The following ORC4 variants were observed in gnomAD, a reference collection of about 807,000 sequenced individuals.
The protein encoded by ORC4 is origin recognition complex subunit 4.
In ORC4, 55 loss-of-function variants were observed where a neutral mutation model predicts 63.9. The ratio of observed to expected loss-of-function variants is 0.86; its 90% CI spans 0.69 to 1.08. The LOEUF is 1.08. ORC4 is among the 50% of genes least tolerant of loss of function. ORC4 has a pLI of 0.00. For synonymous variants in ORC4, 150 were observed against 168.5 expected, an observed-to-expected ratio of 0.89 and a Z score of 0.85; for missense variants, 511 against 504.4, an observed-to-expected ratio of 1.01 and a Z score of -0.13.
At chr2:147,968,432 A>G (rs1294971215) in intron 4 of ORC4, among the ~76,000 whole-genome samples, 7 of 152,098 alleles carry the variant, frequency 4.6e-5, no homozygotes, top group Admixed American at 4.6e-4. Context: ...AAGGAACTCC[A>G]GTATCTCAAA....
chr2:147,948,750 T>C (rs1688790239), intron 8 of ORC4, among the ~76,000 whole-genome samples: 1 of 151,314 alleles, frequency 6.6e-6, no homozygotes, highest in Non-Finnish European at 1.5e-5. Flanking sequence ...AGGAATCAAA[T>C]TTACTGTCAA....
chr2:147,986,026 A>G (rs530805655), intron 1 of ORC4, among the ~76,000 whole-genome samples: 3 of 152,362 alleles, frequency 2.0e-5, no homozygotes, highest in East Asian at 3.9e-4. Flanking sequence ...CACGGTTATT[A>G]TAACAGATGT....
chr2:148,018,872 A>G (rs1693482354), intron 1 of ORC4, among the ~76,000 whole-genome samples: 1 of 152,192 alleles, frequency 6.6e-6, no homozygotes, highest in East Asian at 1.9e-4. Flanking sequence ...TGGAGAGGGG[A>G]GCTTCTCAGG....
intron 1 of ORC4, among the ~76,000 whole-genome samples, chr2:148,014,044 T>TA (rs1387018470): frequency 3.0e-4 from 45 of 151,974 alleles, no homozygotes; most frequent in East Asian, 7.8e-4. Context: ...CGGTCTATGG[T>TA]AAAAAAATCA....
chr2:147,944,387 T>C lies in ORC4; in HGVS notation c.763-865A>G, dbSNP rs1265300071. On this transcript the variant is annotated intron_variant, in intron 9 of 13. Transcript: ENST00000392857. ...GAGAATCTAAGACAGAGTAGAGATCTAGAAAACAAGGGAACAAAGTTTTAA... is the reference window on the plus strand; with the variant it reads ...GAGAATCTAAGACAGAGTAGAGATCCAGAAAACAAGGGAACAAAGTTTTAA... 2.0e-5 allele frequency among the ~76,000 whole-genome samples: 3 copies of C among 152,156 alleles called. No individual in the cohort carries two copies. In the East Asian group the frequency reaches 5.8e-4, roughly 29 times the overall value.
chr2:148,020,889 A>C (rs1693672537), upstream of ORC4: 1 of 151,268 alleles, frequency 6.6e-6, no homozygotes, highest in Non-Finnish European at 1.5e-5. Flanking sequence ...AAGCGTAGCG[A>C]CTTCCTCCTC....
At chr2:147,990,004 T>C (rs778570414) in intron 1 of ORC4, among the ~76,000 whole-genome samples, 8 of 152,172 alleles carry the variant, frequency 5.3e-5, no homozygotes, top group Non-Finnish European at 8.8e-5. Flanking sequence ...GAACTCTTAG[T>C]AAATTAAAAA....
At position 147,941,261 on chromosome 2, in the gene ORC4, CT is replaced by C. The variant is rs1002400708; in HGVS notation, c.850-2014del. ...TCCTATTGACAGACATCTTTCATTT[CT>C]TTTTTTTTCCCAATTATAAACAAGA... On this transcript the variant is annotated intron_variant, in intron 10 of 13. Coordinates refer to ENST00000392857, the MANE Select transcript of ORC4 (RefSeq NM_181741.4). Among the ~76,000 whole-genome samples, 47 of 151,106 alleles carry C rather than the reference CT, an allele frequency of 3.1e-4. 1 individual carries two copies. The highest frequency in any genetic ancestry group is 1.2e-3 in the Admixed American group (18 of 15,106).
chr2:147,964,205 T>C (rs1161861138), intron 4 of ORC4, among the ~76,000 whole-genome samples: 1 of 151,596 alleles, frequency 6.6e-6, no homozygotes, highest in African/African-American at 2.4e-5. Context: ...AGATAGAAAA[T>C]TGAACAAAAT....
At chr2:148,018,938 T>TATA (rs1375143007) in intron 1 of ORC4, among the ~76,000 whole-genome samples, 1 of 152,220 alleles carries the variant, frequency 6.6e-6, no homozygotes, top group Non-Finnish European at 1.5e-5. Flanking sequence ...GTTCACACTT[T>TATA]ATAGTTTTTC....
At chr2:147,993,523 G>A (rs1402531417) in intron 1 of ORC4, among the ~76,000 whole-genome samples, 2 of 152,088 alleles carry the variant, frequency 1.3e-5, no homozygotes, top group Non-Finnish European at 2.9e-5. Flanking sequence ...AAAAGCACAG[G>A]AGACTAAATT....
At position 147,948,149 on chromosome 2, in the gene ORC4, C is replaced by G. The variant is rs966683595; in HGVS notation, c.664G>C (p.Gly222Arg). 6.2e-7 allele frequency: 1 copy of G among 1,610,068 alleles called. No homozygotes were observed. Among genetic ancestry groups the G allele is most frequent in the Non-Finnish European group, 8.5e-7 (1 of 1,177,010 alleles). ...AATATTTTAACATACTGTGGAAAAC[C>G]AAATGAATTCATTAAGTGTATCTGC... ...HRQIHLMNSFGFPQYVKIFKE... is the reference protein window; with the variant it reads ...HRQIHLMNSFRFPQYVKIFKE... The change falls in exon 9 of 14, where the codon GGT becomes CGT. Residue 222 changes from glycine to arginine, a missense_variant. Physicochemically the swap from Gly to Arg is moderately radical, Grantham distance 125. Transcript: ENST00000392857.
intron 1 of ORC4, among the ~76,000 whole-genome samples, chr2:148,002,680 C>A (rs1272185603): frequency 6.6e-6 from 1 of 151,974 alleles, no homozygotes; most frequent in African/African-American, 2.4e-5. Flanking sequence ...AAAACCAACA[C>A]CCTTACATCA....
At position 147,934,929 on chromosome 2, in the gene ORC4, G is replaced by A. The variant is rs1687969945; in HGVS notation, c.*581C>T. 6.5e-6 allele frequency: 1 copy of A among 152,720 alleles called. No homozygotes were observed. The highest frequency in any genetic ancestry group is 1.5e-5 in the Non-Finnish European group (1 of 68,454). 9.5% of individuals were successfully genotyped at this position (152,720 alleles called of 1,614,324 possible). ...AAAATCCTACAAGGGATTCTGATGT[G>A]GATGGTATGAGTACCACATTTTGAG... On this transcript the variant is annotated 3_prime_UTR_variant, in exon 14 of 14. Coordinates refer to ENST00000392857, the MANE Select transcript of ORC4 (RefSeq NM_181741.4).
chr2:147,953,147 T>C (rs1689056055), intron 7 of ORC4, among the ~76,000 whole-genome samples: 1 of 144,942 alleles, frequency 6.9e-6, no homozygotes, highest in Admixed American at 7.1e-5. Context: ...CTGGCCAACA[T>C]GGTAAAACCC....
rs1055583207 is a variant in ORC4 at position 147,948,036 on chromosome 2, T to G, written c.762+15A>C. On this transcript the variant is annotated intron_variant, in intron 9 of 13. Coordinates refer to ENST00000392857, the MANE Select transcript of ORC4 (RefSeq NM_181741.4). ...TATAGCAAGGAACATTTAGCTTTAT[T>G]GCCTTTTAAGATACCTGAACATTTT... 1 of 1,601,300 alleles carries G rather than the reference T, an allele frequency of 6.2e-7. No individual in the cohort carries two copies. The highest frequency in any genetic ancestry group is 1.7e-5 in the Admixed American group (1 of 59,926).
chr2:147,999,868 G>T (rs918077645), intron 1 of ORC4, among the ~76,000 whole-genome samples: 4 of 151,568 alleles, frequency 2.6e-5, no homozygotes, highest in African/African-American at 9.7e-5. Context: ...GAATAATTTG[G>T]AAAAAGTAGA....
chr2:148,011,519 C>G (rs1692968107), intron 1 of ORC4, among the ~76,000 whole-genome samples: 1 of 152,148 alleles, frequency 6.6e-6, no homozygotes, highest in Non-Finnish European at 1.5e-5. Flanking sequence ...TAGTATCAGA[C>G]TGAATGGGGG....
chr2:148,005,656 CAAAAAA>C (rs55869341), intron 1 of ORC4, among the ~76,000 whole-genome samples: 2 of 51,490 alleles, frequency 3.9e-5, no homozygotes, highest in African/African-American at 1.6e-4. Context: ...ACTATCCATG[CAAAAAA>C]AAAAAAAAAA....
Sources: allele counts gnomAD v4.1 joint callset (sites outside exome capture counted in the v4.1 genomes callset), GRCh38; gene constraint gnomAD v4.1.1; transcripts MANE v1.5; gene names NCBI Gene and HGNC (gene_info 2026-07-23, HGNC 2026-07-21).